The following ING5 variants were observed in gnomAD, a reference collection of about 807,000 sequenced individuals.
ING5 encodes the protein inhibitor of growth protein 5.
In ING5, 17 loss-of-function variants were observed where a neutral mutation model predicts 37.4. The ratio of observed to expected loss-of-function variants is 0.45; its 90% confidence interval spans 0.31 to 0.68. The LOEUF (loss-of-function observed/expected upper bound fraction) is 0.68, where lower values mean the gene tolerates loss of function less well. Ranked by LOEUF, ING5 falls within the 30% of genes least tolerant of loss-of-function variation. ING5 has a pLI of 0.05. For missense variants in ING5, 233 were observed against 311.9 expected, an observed-to-expected ratio of 0.75 and a Z score of 1.91; for synonymous variants, 123 against 116.6, an observed-to-expected ratio of 1.06 and a Z score of -0.36.
In ING5 at chr2:241,692,525, C is replaced by A. The variant is rs1640627030; in HGVS notation, c.43+1872C>A. Among the ~76,000 whole-genome samples the A allele has an allele frequency of 2.0e-5, 3 of 151,184 alleles. 1 individual carries two copies. In the South Asian group the frequency reaches 6.3e-4, roughly 32 times the overall value. ...CCCTGTTGCCCAGGCTGGTCTTGAA[C>A]TGGTGGGCCCAAGCGGTCATCCTGC... On this transcript the variant is annotated intron_variant, in intron 2 of 7. Transcript: ENST00000636051.
chr2:241,711,391 T>A lies in ING5; in HGVS notation c.291T>A (p.Ile97=). The A allele has an allele frequency of 2.0e-6, 3 of 1,537,340 alleles. No homozygotes were observed. Among genetic ancestry groups the A allele is most frequent in the Non-Finnish European group, 2.6e-6 (3 of 1,146,228 alleles). The change falls in exon 4 of 8, where the codon ATT becomes ATA. Residue 97 remains isoleucine (I), a synonymous_variant. Coordinates refer to ENST00000313552, the MANE Select transcript of ING5 (RefSeq NM_032329.6). ...TCCTTTTGTAGGTGGATAAACACAT[T>A]CGAAGGCTTGATGCAGACCTGGCGC... ...MQTYEMVDKH[I]RRLDADLARF...
At chr2:241,705,361 A>G (rs1271655291) in intron 2 of ING5, among the ~76,000 whole-genome samples, 1 of 147,946 alleles carries the variant, frequency 6.8e-6, no homozygotes, top group Non-Finnish European at 1.5e-5. Flanking sequence ...TACAAGCGTG[A>G]GCCACCTCGC....
At chr2:241,724,933 C>A in intron 7 of ING5, 56 bp from the exon 8 acceptor site, 4 of 1,576,480 alleles carry the variant, frequency 2.5e-6, no homozygotes, top group South Asian at 2.3e-5. Flanking sequence ...GCCCTGGGCA[C>A]CCTGCGCGCT....
At chr2:241,709,888 T>C (rs1483076427) in intron 3 of ING5, among the ~76,000 whole-genome samples, 1 of 152,066 alleles carries the variant, frequency 6.6e-6, no homozygotes, top group Non-Finnish European at 1.5e-5. Flanking sequence ...ATTACAGGCA[T>C]GAGCCACCGT....
At chr2:241,719,385 T>A in intron 5 of ING5, 6 of 656,296 alleles carry the variant, frequency 9.1e-6, no homozygotes, top group East Asian at 3.0e-5. Context: ...CCCCCCACTC[T>A]GGCTGCAGGT....
At chr2:241,721,320 G>A (rs2070429895) in intron 5 of ING5, 1 of 985,346 alleles carries the variant, frequency 1.0e-6, no homozygotes, top group Non-Finnish European at 1.2e-6. Context: ...GGCAGCACCT[G>A]GACCTGGACT....
chr2:241,725,118 T>C lies in ING5; in HGVS notation c.*87T>C. ...ATTTCCCTTCCTTTTAAAACTACCT[T>C]GTTCGGTTGATACTTAGTAACTCCG... On this transcript the variant is annotated 3_prime_UTR_variant, in exon 8 of 8. Coordinates refer to ENST00000313552, the MANE Select transcript of ING5 (RefSeq NM_032329.6). The C allele has an allele frequency of 7.2e-7, 1 of 1,386,974 alleles. No individual in the cohort carries two copies. Among genetic ancestry groups the C allele is most frequent in the Non-Finnish European group, 1.0e-6 (1 of 975,674 alleles). 85.9% of individuals were successfully genotyped at this position (1,386,974 alleles called of 1,614,324 possible).
At chr2:241,693,019 G>A (rs1360472049) in intron 2 of ING5, among the ~76,000 whole-genome samples, 1 of 152,038 alleles carries the variant, frequency 6.6e-6, no homozygotes, top group African/African-American at 2.4e-5. Flanking sequence ...TCAGCACTTT[G>A]GGAGGCAGAG....
At chr2:241,705,268 C>T (rs532212932) in intron 2 of ING5, among the ~76,000 whole-genome samples, 4 of 151,586 alleles carry the variant, frequency 2.6e-5, no homozygotes, top group South Asian at 2.1e-4. Flanking sequence ...TTAGTAGAGA[C>T]GGGGTTTCAC....
chr2:241,693,921 A>T (rs1355862421), intron 2 of ING5, among the ~76,000 whole-genome samples: 2 of 150,852 alleles, frequency 1.3e-5, no homozygotes, highest in African/African-American at 2.4e-5. Flanking sequence ...GGCCTCCTAA[A>T]TTGCTGGGAT....
At chr2:241,721,511 T>G (rs2070435597) in intron 5 of ING5, 1 of 985,312 alleles carries the variant, frequency 1.0e-6, no homozygotes, top group South Asian at 4.7e-5. Flanking sequence ...TACAGGCAAT[T>G]GCAAAGGCGT....
chr2:241,711,931 C>A (rs1388794608), intron 4 of ING5, 47 bp from the exon 5 acceptor site: 7 of 1,494,940 alleles, frequency 4.7e-6, no homozygotes, highest in Non-Finnish European at 5.4e-6. Context: ...ACTTGCCTTG[C>A]TTTAGAGAAT....
intron 5 of ING5, chr2:241,719,685 G>T: frequency 6.6e-7 from 1 of 1,524,588 alleles, no homozygotes; most frequent in Non-Finnish European, 8.8e-7. Context: ...TCCCTGTTGG[G>T]GTCGGGGCTT....
In ING5 at chr2:241,728,282, G is replaced by A; in HGVS notation, c.*3251G>A. On this transcript the variant is annotated 3_prime_UTR_variant, in exon 8 of 8. Coordinates refer to ENST00000313552, the MANE Select transcript of ING5 (RefSeq NM_032329.6). Reference sequence around the variant, plus strand: ...TCCACGCCTTGCTCCAGAAGGCCTGGCCGCCTTCTCCCTGGGGGTGATTCA... The same window carrying A: ...TCCACGCCTTGCTCCAGAAGGCCTGACCGCCTTCTCCCTGGGGGTGATTCA... 6.5e-6 allele frequency: 1 copy of A among 152,904 alleles called. No individual in the cohort carries two copies. The highest frequency in any genetic ancestry group is 1.5e-5 in the Non-Finnish European group (1 of 68,208). 9.5% of individuals were successfully genotyped at this position (152,904 alleles called of 1,614,324 possible). A position where few individuals can be genotyped will look rare whatever the true frequency, so the allele number is the denominator to read the frequency against.
chr2:241,694,671 T>C (rs111688076), intron 2 of ING5, among the ~76,000 whole-genome samples: 13,556 of 150,994 alleles, frequency 0.09, 1,541 homozygotes, highest in African/African-American at 0.27. Flanking sequence ...GTGGCCATGC[T>C]GGTTGGTATA....
At chr2:241,706,731 G>A (rs2069925883) in intron 2 of ING5, among the ~76,000 whole-genome samples, 1 of 152,050 alleles carries the variant, frequency 6.6e-6, no homozygotes, top group Non-Finnish European at 1.5e-5. Flanking sequence ...AGTTTGGTTG[G>A]GTATAGAATC....
At chr2:241,693,573 ATGTGGGTCCCTGAGAGGCCCCATGGAG>A (rs2124852019) in intron 2 of ING5, among the ~76,000 whole-genome samples, 2 of 151,162 alleles carry the variant, frequency 1.3e-5, no homozygotes, top group South Asian at 4.2e-4. Flanking sequence ...ACAAGAAGGA[ATGTGGGTCCCTGAGAGGCCCCATGGAG>A]TGTGCTGTCC....
intron 5 of ING5, among the ~76,000 whole-genome samples, chr2:241,713,431 C>T (rs565343525): frequency 3.7e-5 from 5 of 136,186 alleles, no homozygotes; most frequent in African/African-American, 5.6e-5. Flanking sequence ...AGTGTGGTGG[C>T]GCGATCTCAG....
rs948963436 is a variant in ING5 at position 241,728,141 on chromosome 2, C to T, written c.*3110C>T. 1.3e-5 allele frequency: 2 copies of T among 152,290 alleles called. No individual in the cohort carries two copies. Among genetic ancestry groups the T allele is most frequent in the African/African-American group, 4.8e-5 (2 of 41,472 alleles). The allele number at this position is 152,290 out of a possible 1,614,324, so 9.4% of individuals were successfully genotyped here. ...AATCCTGAGTGCTCTGTGGCTGACGCTGTCTACCCGTGGGAGAGACACACT... is the reference window on the plus strand; with the variant it reads ...AATCCTGAGTGCTCTGTGGCTGACGTTGTCTACCCGTGGGAGAGACACACT... On this transcript the variant is annotated 3_prime_UTR_variant, in exon 8 of 8. Coordinates refer to ENST00000313552, the MANE Select transcript of ING5 (RefSeq NM_032329.6).
Sources: allele counts gnomAD v4.1 joint callset (sites outside exome capture counted in the v4.1 genomes callset), GRCh38; gene constraint gnomAD v4.1.1; transcripts MANE v1.5; gene names NCBI Gene and HGNC (gene_info 2026-07-23, HGNC 2026-07-21).